Variants in ZC3H11C observed in about 807,000 individuals in gnomAD.
The protein encoded by ZC3H11C is zinc finger CCCH-type containing 11C.
the ZC3H11C span, chr6:65,302,672 A>T: frequency 1.5e-6 from 2 of 1,375,750 alleles, no homozygotes; most frequent in Non-Finnish European, 2.1e-6. Context: ...ACGGGTGTGC[A>T]GGTTTCGGCA....
At chr6:65,301,528 C>A in the ZC3H11C span, among the ~76,000 whole-genome samples, 1 of 152,172 alleles carries the variant, frequency 6.6e-6, no homozygotes. Flanking sequence ...CGGACGGCAG[C>A]GGCCAAGCGA....
At chr6:65,302,239 T>C in the ZC3H11C span, among the ~76,000 whole-genome samples, 1 of 152,222 alleles carries the variant, frequency 6.6e-6, no homozygotes. Context: ...TGAGAGGTTT[T>C]CTTGGCAATG....
the ZC3H11C span, among the ~76,000 whole-genome samples, chr6:65,302,232 G>A: frequency 6.6e-6 from 1 of 152,216 alleles, no homozygotes; most frequent in African/African-American, 2.4e-5. Flanking sequence ...TTGTGGCTGA[G>A]AGGTTTTCTT....
At chr6:65,302,969 C>T in the ZC3H11C span, 3 of 1,586,452 alleles carry the variant, frequency 1.9e-6, no homozygotes, top group Non-Finnish European at 2.6e-6. Context: ...TGTTCCTAGC[C>T]CCAAGCATCC....
chr6:65,302,298 G>A, the ZC3H11C span, among the ~76,000 whole-genome samples: 1 of 152,172 alleles, frequency 6.6e-6, no homozygotes, highest in African/African-American at 2.4e-5. Context: ...CATGGATTGA[G>A]TGTTGGTTCG....
the ZC3H11C span, among the ~76,000 whole-genome samples, chr6:65,301,887 A>G: frequency 1.3e-5 from 2 of 152,346 alleles, no homozygotes; most frequent in African/African-American, 4.8e-5. Flanking sequence ...AACTAGAGAT[A>G]GTGATGCTTT....
chr6:65,301,933 C>T, the ZC3H11C span, among the ~76,000 whole-genome samples: 3 of 152,210 alleles, frequency 2.0e-5, no homozygotes, highest in African/African-American at 7.2e-5. Flanking sequence ...CAAAAAATTC[C>T]TGGAAAATTG....
the ZC3H11C span, among the ~76,000 whole-genome samples, chr6:65,302,209 T>C: frequency 1.3e-5 from 2 of 152,218 alleles, no homozygotes. Context: ...TAAAAACACA[T>C]GCTGTGTTTG....
the ZC3H11C span, among the ~76,000 whole-genome samples, chr6:65,302,225 T>C: frequency 6.6e-6 from 1 of 152,216 alleles, no homozygotes; most frequent in Admixed American, 6.5e-5. Flanking sequence ...GTTTGAATTG[T>C]GGCTGAGAGG....
At chr6:65,303,758 GA>G in the ZC3H11C span, 1 of 548,996 alleles carries the variant, frequency 1.8e-6, no homozygotes, top group South Asian at 2.1e-5. Context: ...CCTGGCTGAA[GA>G]AGAACATAGG....
At chr6:65,301,822 T>C in the ZC3H11C span, among the ~76,000 whole-genome samples, 1 of 152,270 alleles carries the variant, frequency 6.6e-6, no homozygotes, top group Non-Finnish European at 1.5e-5. Flanking sequence ...AGGCCTATAC[T>C]GTTGACATCT....
chr6:65,301,663 C>T, the ZC3H11C span, among the ~76,000 whole-genome samples: 3 of 152,388 alleles, frequency 2.0e-5, no homozygotes, highest in East Asian at 5.8e-4. Flanking sequence ...ATCCTACACC[C>T]ATTCCCCACC....
At chr6:65,305,299 T>C in the ZC3H11C span, among the ~76,000 whole-genome samples, 1 of 152,228 alleles carries the variant, frequency 6.6e-6, no homozygotes, top group Non-Finnish European at 1.5e-5. Flanking sequence ...TTTGGCTTTT[T>C]TCTCCTTTGT....
the ZC3H11C span, among the ~76,000 whole-genome samples, chr6:65,305,251 G>A: frequency 2.0e-5 from 3 of 152,190 alleles, no homozygotes; most frequent in African/African-American, 7.2e-5. Context: ...GTGAAAGGGT[G>A]CAAGCAAACT....
At chr6:65,301,768 G>A in the ZC3H11C span, among the ~76,000 whole-genome samples, 1 of 152,190 alleles carries the variant, frequency 6.6e-6, no homozygotes, top group African/African-American at 2.4e-5. Flanking sequence ...CCGTAATGAC[G>A]AACACCCCTA....
chr6:65,305,239 A>C, the ZC3H11C span, among the ~76,000 whole-genome samples: 4 of 152,184 alleles, frequency 2.6e-5, no homozygotes, highest in Non-Finnish European at 5.9e-5. Context: ...GAGGGAGATC[A>C]AGTGAAAGGG....
At chr6:65,303,750 TG>T in the ZC3H11C span, 1 of 548,826 alleles carries the variant, frequency 1.8e-6, no homozygotes, top group Non-Finnish European at 3.1e-6. Context: ...TCTGAGGTCC[TG>T]GCTGAAGAAG....
At chr6:65,301,764 T>A in the ZC3H11C span, among the ~76,000 whole-genome samples, 2 of 152,328 alleles carry the variant, frequency 1.3e-5, no homozygotes, top group African/African-American at 4.8e-5. Flanking sequence ...GAAACCGTAA[T>A]GACGAACACC....
At chr6:65,303,773 C>T in the ZC3H11C span, 1 of 550,414 alleles carries the variant, frequency 1.8e-6, no homozygotes, top group Admixed American at 3.8e-5. Context: ...ACATAGGCAG[C>T]AGGAAGCAGA....
Sources: allele counts gnomAD v4.1 joint callset (sites outside exome capture counted in the v4.1 genomes callset), GRCh38; gene constraint gnomAD v4.1.1; transcripts MANE v1.5; gene names NCBI Gene and HGNC (gene_info 2026-07-23, HGNC 2026-07-21).